Variants in ZNF710 observed in about 807,000 individuals in gnomAD.
ZNF710 encodes zinc finger protein 710.
In ZNF710, 13 loss-of-function variants were observed where a neutral mutation model predicts 50.6. That is an observed-to-expected ratio of 0.26 (90% CI 0.17 to 0.41). The LOEUF (loss-of-function observed/expected upper bound fraction) is 0.41. Ranked by LOEUF, ZNF710 falls within the 10% of genes least tolerant of loss-of-function variation. The pLI is 1.00. For missense variants in ZNF710, 721 were observed against 936.6 expected, an observed-to-expected ratio of 0.77 and a Z score of 3.01; for synonymous variants, 383 against 397.0, an observed-to-expected ratio of 0.96 and a Z score of 0.42.
upstream of ZNF710, among the ~76,000 whole-genome samples, chr15:90,000,803 CGTG>C: frequency 1.3e-5 from 2 of 152,176 alleles, no homozygotes; most frequent in Non-Finnish European, 2.9e-5. Context: ...GAGCCGCACC[CGTG>C]CCCCAACACC....
intron 4 of ZNF710, chr15:90,076,325 G>C (rs1567247968): frequency 6.6e-6 from 1 of 152,254 alleles, no homozygotes; most frequent in African/African-American, 2.4e-5. Context: ...TAGATTTTGA[G>C]AGCTGTATTC....
intron 1 of ZNF710, among the ~76,000 whole-genome samples, chr15:90,014,467 G>T (rs560806798): frequency 2.0e-5 from 3 of 150,522 alleles, no homozygotes; most frequent in African/African-American, 7.4e-5. Context: ...AGTTGTACCC[G>T]GGAGTTTGAA....
At chr15:90,026,262 ACAACAAC>A (rs1898774552) in intron 1 of ZNF710, among the ~76,000 whole-genome samples, 1 of 127,040 alleles carries the variant, frequency 7.9e-6, no homozygotes, top group African/African-American at 3.5e-5. Context: ...AACAACAACA[ACAACAAC>A]AAAAAAAAAA....
At chr15:90,054,358 G>A (rs1275951380) in intron 1 of ZNF710, among the ~76,000 whole-genome samples, 1 of 152,158 alleles carries the variant, frequency 6.6e-6, no homozygotes, top group African/African-American at 2.4e-5. Flanking sequence ...TCTTGGTGAG[G>A]AGGAAGGGAA....
At chr15:90,074,489 TAAATG>T in intron 4 of ZNF710, 199 bp downstream of exon 4, 1 of 1,525,170 alleles carries the variant, frequency 6.6e-7, no homozygotes, top group Non-Finnish European at 8.8e-7. Context: ...TCAAAGGACT[TAAATG>T]AGATCACGTA....
rs143740551 is a variant in ZNF710, at chr15:90,027,528, C to T, written c.-29+25914C>T. ...CCAGCCATTGATATTTTAATTCTAC[C>T]AAGATCCTATATATAGATTAGTTTT... On this transcript the variant is annotated intron_variant, in intron 1 of 4. Transcript: ENST00000268154. 6.6e-5 allele frequency among the ~76,000 whole-genome samples: 10 copies of T among 152,012 alleles called. No individual in the cohort carries two copies. The East Asian group carries it at 1.9e-3, about 29-fold the overall frequency.
At chr15:90,052,136 T>C (rs115309611) in intron 1 of ZNF710, among the ~76,000 whole-genome samples, 2 of 152,040 alleles carry the variant, frequency 1.3e-5, no homozygotes, top group South Asian at 2.1e-4. Flanking sequence ...ACCAATACCA[T>C]GGCCCCTCCC....
chr15:90,048,477 G>A lies in ZNF710; in HGVS notation c.-28-18633G>A, dbSNP rs532285300. 1.5e-4 allele frequency among the ~76,000 whole-genome samples: 23 copies of A among 152,350 alleles called. 1 individual carries two copies. The South Asian group carries it at 2.9e-3, about 19-fold the overall frequency. On this transcript the variant is annotated intron_variant, in intron 1 of 4. Coordinates refer to ENST00000268154, the MANE Select transcript of ZNF710 (RefSeq NM_198526.4). ...TTCCTGGCTGTGCACATGTGAGTGCGTGTGGGCTTCACACAAGAAGCTTCT... is the reference window on the plus strand; with the variant it reads ...TTCCTGGCTGTGCACATGTGAGTGCATGTGGGCTTCACACAAGAAGCTTCT...
At chr15:90,042,293 C>G (rs960642236) in intron 1 of ZNF710, among the ~76,000 whole-genome samples, 1 of 152,100 alleles carries the variant, frequency 6.6e-6, no homozygotes, top group East Asian at 1.9e-4. Flanking sequence ...AAATAACAGC[C>G]TTTTCCAGAT....
At chr15:90,066,463 G>A (rs935392860) in intron 1 of ZNF710, among the ~76,000 whole-genome samples, 19 of 145,028 alleles carry the variant, frequency 1.3e-4, no homozygotes, top group African/African-American at 3.6e-4. Flanking sequence ...TTTTGAATCC[G>A]ATTTTTAAGG....
At chr15:90,011,747 C>CT (rs752397419) in intron 1 of ZNF710, among the ~76,000 whole-genome samples, 6 of 152,004 alleles carry the variant, frequency 3.9e-5, no homozygotes, top group African/African-American at 1.5e-4. Flanking sequence ...CATCCTTATT[C>CT]TTTTTTTTCT....
Position 90,028,432 on chromosome 15 carries a change from A to G in ZNF710, c.-29+26818A>G, listed in dbSNP as rs143911154. On this transcript the variant is annotated intron_variant, in intron 1 of 4. Transcript: ENST00000268154. ...CTGAGAAGGTATTTAGGAGTCACCA[A>G]CATGACCTGCTGATATGTAAGAGAA... Among the ~76,000 whole-genome samples the G allele has an allele frequency of 8.5e-5, 13 of 152,362 alleles. No individual in the cohort carries two copies. In the East Asian group the frequency reaches 2.5e-3, roughly 29 times the overall value.
chr15:90,008,699 T>G (rs2151461260), intron 1 of ZNF710, among the ~76,000 whole-genome samples: 1 of 151,486 alleles, frequency 6.6e-6, no homozygotes, highest in South Asian at 2.1e-4. Flanking sequence ...GAGGATCGCT[T>G]GAGCCCAGGA....
intron 1 of ZNF710, among the ~76,000 whole-genome samples, chr15:90,011,398 C>T (rs1030250702): frequency 2.0e-5 from 3 of 152,224 alleles, no homozygotes; most frequent in Non-Finnish European, 1.5e-5. Context: ...TGTGAGCCAC[C>T]GTGCCTGGCC....
In ZNF710 at chr15:90,018,341, G is replaced by A. The variant is rs148504757; in HGVS notation, c.-29+16727G>A. Among the ~76,000 whole-genome samples, 192 of 151,876 alleles carry A rather than the reference G, an allele frequency of 1.3e-3. 1 individual carries two copies. The highest frequency in any genetic ancestry group is 1.7e-3 in the Non-Finnish European group (116 of 67,952). On this transcript the variant is annotated intron_variant, in intron 1 of 4. Transcript: ENST00000268154. ...GTGCCACCACACCCAGCTACTTTTTGTATTTTTAGTAGAGCCGGGGTTTCA... is the reference window on the plus strand; with the variant it reads ...GTGCCACCACACCCAGCTACTTTTTATATTTTTAGTAGAGCCGGGGTTTCA...
chr15:90,023,220 G>T (rs1162238628), intron 1 of ZNF710, among the ~76,000 whole-genome samples: 1 of 152,156 alleles, frequency 6.6e-6, no homozygotes, highest in Non-Finnish European at 1.5e-5. Flanking sequence ...GAACCACTCT[G>T]CCACCCAGCT....
chr15:90,009,360 G>A lies in ZNF710; in HGVS notation c.-29+7746G>A, dbSNP rs146843691. On this transcript the variant is annotated intron_variant, in intron 1 of 4. Coordinates refer to ENST00000268154, the MANE Select transcript of ZNF710 (RefSeq NM_198526.4). ...TCTCACTCTGTGATGTCCGATCCTCGGGCCCTGGGCTCACAAGCCATCGCT... is the reference window on the plus strand; with the variant it reads ...TCTCACTCTGTGATGTCCGATCCTCAGGCCCTGGGCTCACAAGCCATCGCT... 2.8e-3 allele frequency among the ~76,000 whole-genome samples: 429 copies of A among 152,064 alleles called. 4 individuals are homozygous for A. The highest frequency in any genetic ancestry group is 0.01 in the African/African-American group (415 of 41,468).
intron 1 of ZNF710, among the ~76,000 whole-genome samples, chr15:90,063,008 G>C (rs1200358601): frequency 6.6e-6 from 1 of 152,270 alleles, no homozygotes; most frequent in East Asian, 1.9e-4. Flanking sequence ...AACTGCCCAG[G>C]TGGGCAGTGG....
chr15:90,068,448 C>T lies in ZNF710; in HGVS notation c.1311C>T (p.Cys437=). ...ASHQGPTLYQ[C]LECDKSFHYR... is the part of the protein sequence containing the mutation. ...ACCAGGGCCCCACCCTCTACCAGTG[C>T]CTCGAGTGTGACAAGTCCTTCCACT... The change falls in exon 2 of 5, where the codon TGC becomes TGT. Residue 437 remains cysteine, a synonymous_variant. Transcript: ENST00000268154. The surrounding 1 kb of genome is among the most constrained non-coding windows in gnomAD (Gnocchi z 5.0). 1 of 1,614,148 alleles carries T rather than the reference C, an allele frequency of 6.2e-7. No homozygotes were observed. Among genetic ancestry groups the T allele is most frequent in the Non-Finnish European group, 8.5e-7 (1 of 1,180,046 alleles).
Sources: gnomAD v4.1 joint callset for allele counts (sites outside exome capture counted in the v4.1 genomes callset) on GRCh38, gnomAD v4.1.1 for gene constraint, Gnocchi (gnomAD v3.1) non-coding constraint, MANE v1.5 for transcripts, NCBI Gene and HGNC (gene_info 2026-07-23, HGNC 2026-07-21) for gene names.